Variants in AGPAT3 observed in about 807,000 individuals in gnomAD.
AGPAT3 encodes the protein 1-acylglycerol-3-phosphate O-acyltransferase 3.
In AGPAT3, 5 loss-of-function variants were observed where a neutral mutation model predicts 47.3. The ratio of observed to expected loss-of-function variants is 0.11; its 90% CI spans 0.06 to 0.22. The LOEUF (loss-of-function observed/expected upper bound fraction) is 0.22, where lower values mean the gene tolerates loss of function less well. Among genes scored for constraint, AGPAT3 ranks in the 10% least tolerant of loss-of-function variants. AGPAT3 has a pLI of 1.00. For synonymous variants in AGPAT3, 212 were observed against 208.3 expected, an observed-to-expected ratio of 1.02 and a Z score of -0.15; for missense variants, 315 against 493.0, an observed-to-expected ratio of 0.64 and a Z score of 3.42.
chr21:43,890,236 C>T (rs1468795104), intron 1 of AGPAT3, among the ~76,000 whole-genome samples: 1 of 152,096 alleles, frequency 6.6e-6, no homozygotes, highest in African/African-American at 2.4e-5. Context: ...TGGCCCCTCC[C>T]CCTCTGTCTT....
intron 7 of AGPAT3, among the ~76,000 whole-genome samples, chr21:43,973,777 C>T (rs1221395871): frequency 6.6e-6 from 1 of 152,210 alleles, no homozygotes; most frequent in Non-Finnish European, 1.5e-5. Context: ...GCCCTCTTTC[C>T]TCCTGCTTTG....
intron 3 of AGPAT3, chr21:43,965,604 G>GTT (rs111294513): frequency 0.16 from 23,905 of 152,068 alleles, 1,936 homozygotes; most frequent in Middle Eastern, 0.2. Context: ...TGAATTTTAG[G>GTT]TTTTTTTTGT....
chr21:43,894,059 A>G lies in AGPAT3; in HGVS notation c.-111-9898A>G, dbSNP rs371183388. On this transcript the variant is annotated intron_variant, in intron 1 of 9. Coordinates refer to ENST00000291572, the MANE Select transcript of AGPAT3 (RefSeq NM_020132.5). ...ATCTGGAAGTGCAGCGAAGCCAGGC[A>G]CAGTGAACAAGCTTCCTTCCGGCTT... 7.2e-5 allele frequency among the ~76,000 whole-genome samples: 11 copies of G among 152,326 alleles called. No individual in the cohort carries two copies. The East Asian group carries it at 2.1e-3, about 29-fold the overall frequency.
chr21:43,884,831 C>T (rs1422640251), intron 1 of AGPAT3, among the ~76,000 whole-genome samples: 1 of 152,132 alleles, frequency 6.6e-6, no homozygotes, highest in Non-Finnish European at 1.5e-5. Context: ...TGGGTCTGCC[C>T]TTGGGTGTGG....
chr21:43,962,109 T>G lies in AGPAT3; in HGVS notation c.178+2250T>G, dbSNP rs1601434579. 2.0e-5 allele frequency among the ~76,000 whole-genome samples: 3 copies of G among 151,816 alleles called. No homozygotes were observed. The East Asian group carries it at 5.8e-4, about 29-fold the overall frequency. On this transcript the variant is annotated intron_variant, in intron 3 of 9. Coordinates refer to ENST00000291572, the MANE Select transcript of AGPAT3 (RefSeq NM_020132.5). Reference sequence around the variant, plus strand: ...TCTGCCTCCTGGGTTCACGCCATTCTCCTGCCTCAGCCTCCCGAGTAGCTG... The same window carrying G: ...TCTGCCTCCTGGGTTCACGCCATTCGCCTGCCTCAGCCTCCCGAGTAGCTG...
Position 43,934,162 on chromosome 21 carries a change from CCCGAGCACCAGCTCCCCTG to C in AGPAT3, c.-48-25455_-48-25437del, listed in dbSNP as rs1034849672. Reference sequence around the variant, plus strand: ...ACATGGGTGCCCGGCACGCCAGCTCCCCGAGCACCAGCTCCCCTGCCGAGCACCAGCTCCCATATGCCAG... The same window carrying C: ...ACATGGGTGCCCGGCACGCCAGCTCCCCGAGCACCAGCTCCCATATGCCAG... On this transcript the variant is annotated intron_variant, in intron 2 of 9. Transcript: ENST00000291572. This position sits in a 1 kb window ranked among gnomAD's most constrained non-coding sequence, Gnocchi z 4.7. Among the ~76,000 whole-genome samples, 13 of 152,282 alleles carry C rather than the reference CCCGAGCACCAGCTCCCCTG, an allele frequency of 8.5e-5. No homozygotes were observed. Among genetic ancestry groups the C allele is most frequent in the African/African-American group, 3.1e-4 (13 of 41,560 alleles).
chr21:43,901,536 A>C (rs1010602114), intron 1 of AGPAT3, among the ~76,000 whole-genome samples: 1 of 152,122 alleles, frequency 6.6e-6, no homozygotes, highest in African/African-American at 2.4e-5. Context: ...TAATCCCAGC[A>C]CTTCTGGAGG....
Position 43,939,309 on chromosome 21 carries a change from A to G in AGPAT3, c.-48-20325A>G, listed in dbSNP as rs1601363215. ...GCGGGCGCTCCCTTGATAACACCCC[A>G]CCCCCGTCGCTGTTGTTGTCGGGGG... On this transcript the variant is annotated intron_variant, in intron 2 of 9. Coordinates refer to ENST00000291572, the MANE Select transcript of AGPAT3 (RefSeq NM_020132.5). The surrounding 1 kb of genome is among the most constrained non-coding windows in gnomAD (Gnocchi z 4.4). Among the ~76,000 whole-genome samples, 1 of 150,078 alleles carries G rather than the reference A, an allele frequency of 6.7e-6. No individual in the cohort carries two copies. The highest frequency in any genetic ancestry group is 1.5e-5 in the Non-Finnish European group (1 of 67,496).
chr21:43,874,112 G>A (rs571275447), intron 1 of AGPAT3, among the ~76,000 whole-genome samples: 10 of 152,132 alleles, frequency 6.6e-5, no homozygotes, highest in South Asian at 2.1e-4. Context: ...TGCAACCTCC[G>A]CCTCCCGGAT....
intron 2 of AGPAT3, among the ~76,000 whole-genome samples, chr21:43,926,665 T>A (rs1169344514): frequency 1.8e-4 from 12 of 65,918 alleles, no homozygotes; most frequent in East Asian, 8.3e-4. Context: ...TTTTTTTTTT[T>A]AATAAAAAGG....
chr21:43,931,922 CGTGTGTGTGTGT>C (rs55978822), intron 2 of AGPAT3, among the ~76,000 whole-genome samples: 253 of 145,752 alleles, frequency 1.7e-3, no homozygotes, highest in Non-Finnish European at 2.2e-3. Flanking sequence ...AAGAGGATCT[CGTGTGTGTGTGT>C]GTGTGTGTGT....
chr21:43,943,955 C>T (rs1253110497), intron 2 of AGPAT3, among the ~76,000 whole-genome samples: 1 of 152,220 alleles, frequency 6.6e-6, no homozygotes, highest in South Asian at 2.1e-4. Flanking sequence ...AGTGCCTGGG[C>T]CCAGTGGTGG....
At chr21:43,913,244 G>A (rs988837619) in intron 2 of AGPAT3, among the ~76,000 whole-genome samples, 2 of 152,152 alleles carry the variant, frequency 1.3e-5, no homozygotes, top group African/African-American at 4.8e-5. Flanking sequence ...AGAAATTTTT[G>A]CATTCATAGT....
chr21:43,951,417 G>A (rs1252607924), intron 2 of AGPAT3, among the ~76,000 whole-genome samples: 1 of 152,342 alleles, frequency 6.6e-6, no homozygotes, highest in East Asian at 1.9e-4. Flanking sequence ...ACTGCTGTCT[G>A]CTGAGAGCTA....
intron 2 of AGPAT3, among the ~76,000 whole-genome samples, chr21:43,926,705 A>G (rs2087067108): frequency 7.3e-6 from 1 of 137,562 alleles, no homozygotes; most frequent in Non-Finnish European, 1.5e-5. Context: ...GATGCCTGTA[A>G]TCCCAGCACT....
At chr21:43,927,169 G>C (rs2146243706) in intron 2 of AGPAT3, among the ~76,000 whole-genome samples, 1 of 152,054 alleles carries the variant, frequency 6.6e-6, no homozygotes, top group Non-Finnish European at 1.5e-5. Flanking sequence ...ATTCCCTTCT[G>C]ACCATGTACC....
Position 43,902,881 on chromosome 21 carries a change from TC to T in AGPAT3, c.-111-1074del, listed in dbSNP as rs1281277105. On this transcript the variant is annotated intron_variant, in intron 1 of 9. Transcript: ENST00000291572. Reference sequence around the variant, plus strand: ...TGGGCATGGTGGCATGCACCTGTAGTCCTAGCTACTTGGGAGGCTGAGGTGG... The same window carrying T: ...TGGGCATGGTGGCATGCACCTGTAGTCTAGCTACTTGGGAGGCTGAGGTGG... 2.6e-5 allele frequency among the ~76,000 whole-genome samples: 4 copies of T among 152,270 alleles called. No homozygotes were observed. The East Asian group carries it at 7.7e-4, about 29-fold the overall frequency.
chr21:43,895,114 T>TA (rs1287442935), intron 1 of AGPAT3, among the ~76,000 whole-genome samples: 3 of 151,832 alleles, frequency 2.0e-5, no homozygotes, highest in Non-Finnish European at 4.4e-5. Context: ...TTTATTTATT[T>TA]TTTTTTTTGA....
At chr21:43,905,491 T>G (rs560870635) in intron 2 of AGPAT3, among the ~76,000 whole-genome samples, 136 of 152,260 alleles carry the variant, frequency 8.9e-4, no homozygotes, top group African/African-American at 3.2e-3. Flanking sequence ...CCCGGCCTAG[T>G]GTCTCTTTAG....
Sources: gnomAD v4.1 joint callset for allele counts (sites outside exome capture counted in the v4.1 genomes callset) on GRCh38, gnomAD v4.1.1 for gene constraint, Gnocchi (gnomAD v3.1) non-coding constraint, MANE v1.5 for transcripts, NCBI Gene and HGNC (gene_info 2026-07-23, HGNC 2026-07-21) for gene names.